KAT6A: variants seen among roughly 807,000 people sequenced by gnomAD.
KAT6A encodes lysine acetyltransferase 6A, also known as histone acetyltransferase KAT6A.
KAT6A carries 9 observed loss-of-function variants against 198.4 expected under a neutral mutation model. The ratio of observed to expected loss-of-function variants is 0.05; its 90% CI spans 0.03 to 0.08. The LOEUF (loss-of-function observed/expected upper bound fraction) is 0.08, where lower values mean the gene tolerates loss of function less well. Among genes scored for constraint, KAT6A ranks in the 10% least tolerant of loss-of-function variants. The pLI is 1.00. For missense variants in KAT6A, 2,077 were observed against 2,509.9 expected, an observed-to-expected ratio of 0.83 and a Z score of 3.69; for synonymous variants, 890 against 883.0, an observed-to-expected ratio of 1.01 and a Z score of -0.14.
intron 10 of KAT6A, 35 bp from the exon 11 acceptor site, chr8:41,947,947 G>T: frequency 6.6e-7 from 1 of 1,517,272 alleles, no homozygotes; most frequent in South Asian, 1.3e-5. Context: ...AGTCAGTAGA[G>T]GGTCTCTTTA....
At chr8:42,008,904 T>C (rs969609982) in intron 2 of KAT6A, among the ~76,000 whole-genome samples, 7 of 152,182 alleles carry the variant, frequency 4.6e-5, no homozygotes, top group Non-Finnish European at 7.4e-5. Context: ...ATTTTAAAAT[T>C]GTAATTTAAA....
chr8:42,042,776 C>T (rs191213491), intron 2 of KAT6A, among the ~76,000 whole-genome samples: 1 of 152,264 alleles, frequency 6.6e-6, no homozygotes, highest in African/African-American at 2.4e-5. Context: ...AATAACAATA[C>T]TTTTAATGAT....
rs1226552051 is a variant in KAT6A at position 42,051,949 on chromosome 8, G to A, written c.-374C>T. On this transcript the variant is annotated 5_prime_UTR_variant, in exon 1 of 17. Transcript: ENST00000265713. ...CCGGGGCCCCGGGCCGGACCGCGGA[G>A]ATGCCCCAAACTGACACGGCCGCCA... The A allele has an allele frequency of 6.6e-6, 1 of 151,416 alleles. No homozygotes were observed. Among genetic ancestry groups the A allele is most frequent in the Non-Finnish European group, 1.5e-5 (1 of 67,780 alleles). The allele number at this position is 151,416 out of a possible 1,614,324, so 9.4% of individuals were successfully genotyped here.
At chr8:42,008,055 T>C (rs892178567) in intron 2 of KAT6A, among the ~76,000 whole-genome samples, 6 of 152,028 alleles carry the variant, frequency 3.9e-5, no homozygotes, top group African/African-American at 1.4e-4. Flanking sequence ...TCTCATTACT[T>C]CATTTTATTG....
At chr8:42,040,938 G>C (rs1015963932) in intron 2 of KAT6A, among the ~76,000 whole-genome samples, 1 of 151,798 alleles carries the variant, frequency 6.6e-6, no homozygotes, top group Non-Finnish European at 1.5e-5. Flanking sequence ...CAGTTGGCCA[G>C]GTACAGTGGC....
chr8:42,021,685 C>T (rs117125828), intron 2 of KAT6A, among the ~76,000 whole-genome samples: 4 of 152,082 alleles, frequency 2.6e-5, no homozygotes, highest in Non-Finnish European at 4.4e-5. Flanking sequence ...AATCCCAGCA[C>T]TTTGGGAGGC....
intron 2 of KAT6A, among the ~76,000 whole-genome samples, chr8:42,042,619 C>T (rs543510396): frequency 6.6e-6 from 1 of 152,222 alleles, no homozygotes; most frequent in East Asian, 1.9e-4. Context: ...GAGTAGAAGG[C>T]AAGAGATTTA....
At chr8:42,022,419 T>C (rs552373275) in intron 2 of KAT6A, among the ~76,000 whole-genome samples, 1 of 152,338 alleles carries the variant, frequency 6.6e-6, no homozygotes, top group Admixed American at 6.5e-5. Context: ...ACTGTACATT[T>C]TTTTTGGAAA....
chr8:41,947,356 G>C (rs756147280), intron 11 of KAT6A, among the ~76,000 whole-genome samples: 2 of 152,160 alleles, frequency 1.3e-5, no homozygotes, highest in Non-Finnish European at 2.9e-5. Flanking sequence ...GATTAAAAAA[G>C]GAGAAAATAT....
chr8:42,040,264 C>A (rs898694254), intron 2 of KAT6A, among the ~76,000 whole-genome samples: 1 of 152,012 alleles, frequency 6.6e-6, no homozygotes. Flanking sequence ...CCTATTGATA[C>A]AGAGCAAAGA....
chr8:41,941,353 G>T lies in KAT6A; in HGVS notation c.2528C>A (p.Ser843Tyr). Residue 843 changes from serine to tyrosine, a missense_variant, in exon 15 of 17, where the codon TCT becomes TAT. By Grantham distance (144) the Ser-to-Tyr change is moderately radical. This residue lies in a region of KAT6A where 301 missense variants were observed against 272.2 expected (regional missense o/e 1.11). Coordinates refer to ENST00000265713, the MANE Select transcript of KAT6A (RefSeq NM_006766.5). ...KKPEVMAPVS[S>Y]TRLSKQVLPH... Reference sequence around the variant, plus strand: ...AAGGACTTGTTTGCTCAAACGTGTAGAACTGACTGGAGCCATAACTTCTGG... The same window carrying T: ...AAGGACTTGTTTGCTCAAACGTGTATAACTGACTGGAGCCATAACTTCTGG... 6.2e-7 allele frequency: 1 copy of T among 1,612,242 alleles called. No individual in the cohort carries two copies. Among genetic ancestry groups the T allele is most frequent in the Non-Finnish European group, 8.5e-7 (1 of 1,179,968 alleles).
chr8:42,022,241 GATACTGT>G (rs1826576196), intron 2 of KAT6A, among the ~76,000 whole-genome samples: 1 of 151,980 alleles, frequency 6.6e-6, no homozygotes, highest in African/African-American at 2.4e-5. Flanking sequence ...TATCAAACCT[GATACTGT>G]ATCAGGTTTG....
chr8:42,040,757 A>AAAC (rs1554700701), intron 2 of KAT6A, among the ~76,000 whole-genome samples: 1 of 149,652 alleles, frequency 6.7e-6, no homozygotes, highest in South Asian at 2.1e-4. Flanking sequence ...AAAAAAAAAA[A>AAAC]AAAGAAAGAA....
At chr8:41,940,274 T>C (rs557422777) in intron 15 of KAT6A, among the ~76,000 whole-genome samples, 1 of 152,344 alleles carries the variant, frequency 6.6e-6, no homozygotes, top group Admixed American at 6.5e-5. Context: ...TGATGGAATA[T>C]AGTTTAGAAA....
chr8:41,981,089 G>A (rs1824333067), intron 4 of KAT6A, among the ~76,000 whole-genome samples, 162 bp from the exon 5 acceptor site: 1 of 152,226 alleles, frequency 6.6e-6, no homozygotes, highest in Non-Finnish European at 1.5e-5. Context: ...GGAGGTCGAG[G>A]CGGGTGGATC....
intron 6 of KAT6A, 133 bp downstream of exon 6, chr8:41,978,509 G>A: frequency 1.2e-6 from 1 of 868,358 alleles, no homozygotes; most frequent in Non-Finnish European, 1.8e-6. Flanking sequence ...CTGAATAAGT[G>A]TTAGCCATTA....
Position 41,989,528 on chromosome 8 carries a change from A to AACGTGACGTGACGTG in KAT6A, c.601-1980_601-1966dup, listed in dbSNP as rs59726289. 3.1e-3 allele frequency among the ~76,000 whole-genome samples: 461 copies of AACGTGACGTGACGTG among 149,614 alleles called. 5 individuals are homozygous for AACGTGACGTGACGTG. Among genetic ancestry groups the AACGTGACGTGACGTG allele is most frequent in the African/African-American group, 8.9e-3 (363 of 40,584 alleles). The stretch of plus-strand genomic sequence containing the variant: ...CCATCTCGGAAAAATAACATAACGT[A>AACGTGACGTGACGTG]ACGTGACGTGACGTGACGTGACGTG... On this transcript the variant is annotated intron_variant, in intron 2 of 16. Transcript: ENST00000265713.
intron 2 of KAT6A, among the ~76,000 whole-genome samples, chr8:42,012,472 G>GAC (rs1231709024): frequency 1.3e-5 from 2 of 152,148 alleles, no homozygotes; most frequent in Middle Eastern, 3.2e-3. Flanking sequence ...AGGAACAGGT[G>GAC]ACACACACAC....
In KAT6A at chr8:41,941,994, A is replaced by T. The variant is rs186582706; in HGVS notation, c.2437-550T>A. On this transcript the variant is annotated intron_variant, in intron 14 of 16. Transcript: ENST00000265713. Reference sequence around the variant, plus strand: ...GAAAGTTTATGTAGTTTTTAAATTTACTTTTATTCTGAATAATTTCATTTT... The same window carrying T: ...GAAAGTTTATGTAGTTTTTAAATTTTCTTTTATTCTGAATAATTTCATTTT... 958 of 179,708 alleles carry T rather than the reference A, an allele frequency of 5.3e-3. 44 individuals are homozygous for T. The Admixed American group carries it at 0.057, about 11-fold the overall frequency. The allele number at this position is 179,708 out of a possible 1,614,324, so 11.1% of individuals were successfully genotyped here. A position where few individuals can be genotyped will look rare whatever the true frequency, so the allele number is the denominator to read the frequency against.
Sources: gnomAD v4.1 joint callset for allele counts (sites outside exome capture counted in the v4.1 genomes callset) on GRCh38, gnomAD v4.1.1 for gene constraint, gnomAD v4.1.1 regional missense constraint, MANE v1.5 for transcripts, NCBI Gene and HGNC (gene_info 2026-07-23, HGNC 2026-07-21) for gene names.